The following SYN3 variants were observed in gnomAD, a reference collection of about 807,000 sequenced individuals.
The protein encoded by SYN3 is synapsin III, also known as synapsin-3.
Under a neutral mutation model 65.8 loss-of-function variants are expected in SYN3, and 35 were observed. The observed-to-expected ratio is 0.53, with a 90% CI of 0.41 to 0.70. SYN3 has a LOEUF of 0.70. Ranked by LOEUF, SYN3 falls within the 30% of genes least tolerant of loss-of-function variation. The pLI, the probability that SYN3 is intolerant of heterozygous loss-of-function variation, is 0.00. For missense variants in SYN3, 680 were observed against 749.0 expected, an observed-to-expected ratio of 0.91 and a Z score of 1.08; for synonymous variants, 270 against 292.9, an observed-to-expected ratio of 0.92 and a Z score of 0.80.
chr22:32,985,171 G>A (rs2052487127), intron 2 of SYN3, among the ~76,000 whole-genome samples: 1 of 152,178 alleles, frequency 6.6e-6, no homozygotes, highest in African/African-American at 2.4e-5. Context: ...GTTGTTATGA[G>A]GATTAAATGA....
In SYN3 at chr22:32,656,151, G is replaced by A. The variant is rs2060139792; in HGVS notation, c.712-59415C>T. Among the ~76,000 whole-genome samples the A allele has an allele frequency of 2.6e-5, 4 of 152,320 alleles. No homozygotes were observed. The South Asian group carries it at 8.3e-4, about 32-fold the overall frequency. ...ACGGCTCATAATACTACCGTCTACT[G>A]TTTCACAAGTATATCCTTCCATTCT... On this transcript the variant is annotated intron_variant, in intron 6 of 13. Transcript: ENST00000358763.
At chr22:32,874,904 G>T (rs2048943893) in intron 4 of SYN3, among the ~76,000 whole-genome samples, 1 of 152,188 alleles carries the variant, frequency 6.6e-6, no homozygotes, top group Admixed American at 6.5e-5. Context: ...AGGGGACAAA[G>T]GGAACCGAGT....
intron 6 of SYN3, among the ~76,000 whole-genome samples, chr22:32,734,951 A>G (rs1339560039): frequency 6.6e-6 from 1 of 152,216 alleles, no homozygotes; most frequent in East Asian, 1.9e-4. Flanking sequence ...GAAGGATCAC[A>G]AAAAGCTAAA....
chr22:32,935,054 TC>T (rs2050733247), intron 3 of SYN3, among the ~76,000 whole-genome samples: 4 of 152,170 alleles, frequency 2.6e-5, no homozygotes, highest in Admixed American at 2.6e-4. Context: ...AATTTTGGCC[TC>T]CAGAACTGGA....
At chr22:32,621,297 CTT>C (rs58499520) in intron 6 of SYN3, among the ~76,000 whole-genome samples, 47 of 140,960 alleles carry the variant, frequency 3.3e-4, no homozygotes, top group African/African-American at 1.1e-3. Context: ...TAACTTTTGC[CTT>C]TTTTTTTTTT....
chr22:32,756,220 TA>T lies in SYN3; in HGVS notation c.711+108694del, dbSNP rs965202350. 2.1e-4 allele frequency among the ~76,000 whole-genome samples: 30 copies of T among 144,106 alleles called. 1 individual carries two copies. The highest frequency in any genetic ancestry group is 7.1e-3 in the Middle Eastern group (2 of 280). 94.5% of individuals were successfully genotyped at this position (144,106 alleles called of 152,430 possible). On this transcript the variant is annotated intron_variant, in intron 6 of 13. Coordinates refer to ENST00000358763, the MANE Select transcript of SYN3 (RefSeq NM_003490.4). ...TGTATCCCAGAACTTAAAGTTCAAT[TA>T]AAAAAAAAAAGTTAACTGGAGTCCC...
At chr22:32,530,578 A>T (rs2858479) in intron 10 of SYN3, among the ~76,000 whole-genome samples, 3,024 of 126,530 alleles carry the variant, frequency 0.024, 75 homozygotes, top group African/African-American at 0.081. Flanking sequence ...CTACGGGCCT[A>T]TTTTTTTTTT....
At chr22:32,706,686 G>T (rs1283462956) in intron 6 of SYN3, among the ~76,000 whole-genome samples, 1 of 152,226 alleles carries the variant, frequency 6.6e-6, no homozygotes, top group East Asian at 1.9e-4. Flanking sequence ...GAATTAATTT[G>T]CAGCACACTG....
chr22:32,715,921 C>T (rs561082964), intron 6 of SYN3, among the ~76,000 whole-genome samples: 17 of 152,206 alleles, frequency 1.1e-4, no homozygotes, highest in Non-Finnish European at 1.8e-4. Flanking sequence ...AAGTACTCCA[C>T]GGAGGCTTTG....
At position 32,528,934 on chromosome 22, in the gene SYN3, GACA is replaced by G. The variant is rs963500574; in HGVS notation, c.1167_1169del (p.Val390del). ...GCATCGGGAGCTGGCTCATTTTGGA[GACA>G]ACAAGGTCGGCCATCAGCTGTCTGT... is the stretch of plus-strand genomic sequence containing the variant. On this transcript the variant is annotated inframe_deletion, in exon 11 of 14. Coordinates refer to ENST00000358763, the MANE Select transcript of SYN3 (RefSeq NM_003490.4). 8 of 1,614,022 alleles carry G rather than the reference GACA, an allele frequency of 5.0e-6. No individual in the cohort carries two copies. The highest frequency in any genetic ancestry group is 2.2e-5 in the East Asian group (1 of 44,880).
intron 4 of SYN3, among the ~76,000 whole-genome samples, chr22:32,882,722 T>C (rs912433212): frequency 2.6e-5 from 4 of 152,236 alleles, no homozygotes; most frequent in African/African-American, 9.6e-5. Context: ...CAGAATTTTT[T>C]TTTTTTTTAG....
intron 6 of SYN3, among the ~76,000 whole-genome samples, chr22:32,613,021 G>T (rs2146697118): frequency 6.6e-6 from 1 of 152,020 alleles, no homozygotes; most frequent in South Asian, 2.1e-4. Context: ...AGAACTGATG[G>T]TTTAAAAGTG....
intron 2 of SYN3, among the ~76,000 whole-genome samples, chr22:33,002,267 A>T (rs2053081448): frequency 1.3e-5 from 2 of 152,220 alleles, no homozygotes; most frequent in Non-Finnish European, 2.9e-5. Context: ...GCAATTTCTG[A>T]GCAGGAAGCA....
chr22:32,580,931 G>A (rs2058930888), intron 7 of SYN3, among the ~76,000 whole-genome samples: 2 of 152,188 alleles, frequency 1.3e-5, no homozygotes, highest in African/African-American at 2.4e-5. Context: ...AGGCGGGACT[G>A]CAGATCTAGT....
chr22:32,594,443 G>A (rs534496717), intron 7 of SYN3, among the ~76,000 whole-genome samples: 2 of 152,084 alleles, frequency 1.3e-5, no homozygotes, highest in East Asian at 3.9e-4. Flanking sequence ...CAAGCTATGG[G>A]TCATGCCCTG....
chr22:32,717,999 A>G (rs186906920), intron 6 of SYN3, among the ~76,000 whole-genome samples: 44 of 152,342 alleles, frequency 2.9e-4, no homozygotes, highest in African/African-American at 1.0e-3. Context: ...CAATCACGTC[A>G]AGCCCAGACA....
intron 3 of SYN3, among the ~76,000 whole-genome samples, chr22:32,953,505 G>C (rs573450987): frequency 1.3e-4 from 20 of 150,832 alleles, no homozygotes; most frequent in Admixed American, 2.7e-4. Context: ...AGCAAAGTGA[G>C]GTAGCAAAAC....
chr22:33,033,594 C>G (rs7291322), intron 1 of SYN3, among the ~76,000 whole-genome samples: 27,374 of 152,136 alleles, frequency 0.18, 2,793 homozygotes, highest in East Asian at 0.41. Context: ...CCTAGTCTCA[C>G]TGCCTCACCC....
At chr22:32,569,373 A>G (rs2058717923) in intron 7 of SYN3, among the ~76,000 whole-genome samples, 1 of 150,016 alleles carries the variant, frequency 6.7e-6, no homozygotes, top group Admixed American at 6.6e-5. Flanking sequence ...ATCTATACCT[A>G]TCTAAAATCT....
Sources: gnomAD v4.1 joint callset for allele counts (sites outside exome capture counted in the v4.1 genomes callset) on GRCh38, gnomAD v4.1.1 for gene constraint, MANE v1.5 for transcripts, NCBI Gene and HGNC (gene_info 2026-07-23, HGNC 2026-07-21) for gene names.